Variants in CD40 observed in about 807,000 individuals in gnomAD.
CD40 encodes the protein tumor necrosis factor receptor superfamily member 5.
A neutral mutation model predicts 38.5 loss-of-function variants in CD40; 19 were observed. The ratio of observed to expected loss-of-function variants is 0.49; its 90% CI spans 0.34 to 0.72. The LOEUF is 0.72. Ranked by LOEUF, CD40 falls within the 30% of genes least tolerant of loss-of-function variation. CD40 has a pLI of 0.01. For synonymous variants in CD40, 130 were observed against 128.7 expected, an observed-to-expected ratio of 1.01 and a Z score of -0.07; for missense variants, 256 against 344.1, an observed-to-expected ratio of 0.74 and a Z score of 2.03.
chr20:46,119,590 C>T (rs1392469992), intron 1 of CD40, among the ~76,000 whole-genome samples: 4 of 152,166 alleles, frequency 2.6e-5, no homozygotes, highest in Non-Finnish European at 5.9e-5. Flanking sequence ...ACTTTGGCTC[C>T]AGGTAGAGGC....
At position 46,128,239 on chromosome 20, in the gene CD40, G is replaced by T. The variant is rs2145612819; in HGVS notation, c.646+15G>T. 6.2e-7 allele frequency: 1 copy of T among 1,613,632 alleles called. No individual in the cohort carries two copies. On this transcript the variant is annotated intron_variant, in intron 7 of 8. Transcript: ENST00000372285. ...GGTCTTTATCAGTGAGTCCTCAGGT[G>T]GGGAGGTGTTGGGGGAGGGAGGGGA...
rs1042041403 is a variant in CD40 at position 46,118,931 on chromosome 20, G to A, written c.51+537G>A. Among the ~76,000 whole-genome samples, 11 of 152,340 alleles carry A rather than the reference G, an allele frequency of 7.2e-5. No individual in the cohort carries two copies. The South Asian group carries it at 2.3e-3, about 32-fold the overall frequency. Reference sequence around the variant, plus strand: ...TTAACATCGCCTTCCACCCCGAACCGTATCTTGGGTGTTCCAACCTAGGAG... The same window carrying A: ...TTAACATCGCCTTCCACCCCGAACCATATCTTGGGTGTTCCAACCTAGGAG... On this transcript the variant is annotated intron_variant, in intron 1 of 8. Coordinates refer to ENST00000372285, the MANE Select transcript of CD40 (RefSeq NM_001250.6).
rs1393251924 is a variant in CD40, at chr20:46,129,849, CAT to C, written c.*810_*811del. 6.6e-6 allele frequency: 1 copy of C among 152,136 alleles called. No homozygotes were observed. The allele number at this position is 152,136 out of a possible 1,614,324, so 9.4% of individuals were successfully genotyped here. A position where few individuals can be genotyped will look rare whatever the true frequency, so the allele number is the denominator to read the frequency against. On this transcript the variant is annotated 3_prime_UTR_variant, in exon 9 of 9. Coordinates refer to ENST00000372285, the MANE Select transcript of CD40 (RefSeq NM_001250.6). The stretch of plus-strand genomic sequence containing the variant: ...CTTATGTAATTAAAAAATCATCAAA[CAT>C]GTAAAAAGAAAAACGGGGGTGAACA...
chr20:46,128,836 C>T lies in CD40; in HGVS notation c.676-46C>T, dbSNP rs11697349. The T allele has an allele frequency of 0.024, 39,220 of 1,604,994 alleles. 575 individuals carry two copies. The highest frequency in any genetic ancestry group is 0.027 in the Non-Finnish European group (31,986 of 1,172,120). ...CCCAGGGAGGGGCTCCTCAGAGGCA[C>T]AGCTGCCCCTGCTGCTGGGGGTGAC... is the stretch of plus-strand genomic sequence containing the variant. On this transcript the variant is annotated intron_variant, in intron 8 of 8. Coordinates refer to ENST00000372285, the MANE Select transcript of CD40 (RefSeq NM_001250.6).
rs776893342 is a variant in CD40, at chr20:46,122,351, C to T, written c.249C>T (p.Cys83=). Residue 83 remains cysteine, a synonymous_variant, in exon 3 of 9, where the codon TGC becomes TGT. Transcript: ENST00000372285. The surrounding 1 kb of genome is among the most constrained non-coding windows in gnomAD (Gnocchi z 5.0). Reference sequence around the variant, plus strand: ...CACACTGCCACCAGCACAAATACTGCGACCCCAGTGCGTGCGCTGTTGGGA... The same window carrying T: ...CACACTGCCACCAGCACAAATACTGTGACCCCAGTGCGTGCGCTGTTGGGA... The part of the protein sequence containing the change: ...RETHCHQHKY[C]DPNLGLRVQQ... 3.5e-5 allele frequency: 57 copies of T among 1,614,072 alleles called. No homozygotes were observed. Among genetic ancestry groups the T allele is most frequent in the African/African-American group, 9.3e-5 (7 of 74,922 alleles).
intron 1 of CD40, among the ~76,000 whole-genome samples, chr20:46,121,497 TC>T (rs2085316799): frequency 6.6e-6 from 1 of 151,838 alleles, no homozygotes; most frequent in Non-Finnish European, 1.5e-5. Flanking sequence ...GCTGCTGGAG[TC>T]CCCATATCCT....
chr20:46,126,999 G>C, intron 6 of CD40: 1 of 471,584 alleles, frequency 2.1e-6, no homozygotes, highest in South Asian at 2.1e-5. Flanking sequence ...AAAAAGGTCA[G>C]GGGTAAGAAA....
chr20:46,122,607 C>A lies in CD40; in HGVS notation c.257-3C>A. 1 of 1,614,164 alleles carries A rather than the reference C, an allele frequency of 6.2e-7. No individual in the cohort carries two copies. Among genetic ancestry groups the A allele is most frequent in the Non-Finnish European group, 8.5e-7 (1 of 1,180,040 alleles). ...CCCATCCTTCCTGCCCTTCTCTTCT[C>A]AGACCTAGGGCTTCGGGTCCAGCAG... is the stretch of plus-strand genomic sequence containing the variant. On this transcript the variant is annotated splice_polypyrimidine_tract_variant and splice_region_variant and intron_variant, in intron 3 of 8. Transcript: ENST00000372285. The surrounding 1 kb of genome is among the most constrained non-coding windows in gnomAD (Gnocchi z 5.0).
chr20:46,125,928 A>G (rs2085426026), intron 5 of CD40, among the ~76,000 whole-genome samples: 1 of 152,086 alleles, frequency 6.6e-6, no homozygotes, highest in African/African-American at 2.4e-5. Context: ...CACCTGCCTT[A>G]TTTCCCCACA....
At chr20:46,123,241 G>A in intron 5 of CD40, 22 bp downstream of exon 5, 1 of 1,567,734 alleles carries the variant, frequency 6.4e-7, no homozygotes, top group Non-Finnish European at 8.8e-7. Context: ...CATCCCTTGT[G>A]TTTCCTGCTC....
At chr20:46,128,254 G>A (rs2085476260) in intron 7 of CD40, 30 bp downstream of exon 7, 3 of 1,612,932 alleles carry the variant, frequency 1.9e-6, no homozygotes, top group Admixed American at 1.7e-5. Flanking sequence ...GGTGTTGGGG[G>A]AGGGAGGGGA....
rs2085331532 is a variant in CD40 at position 46,122,168 on chromosome 20, T to C, written c.131-65T>C. 1 of 1,593,452 alleles carries C rather than the reference T, an allele frequency of 6.3e-7. No homozygotes were observed. Among genetic ancestry groups the C allele is most frequent in the Non-Finnish European group, 8.6e-7 (1 of 1,161,516 alleles). On this transcript the variant is annotated intron_variant, in intron 2 of 8. Coordinates refer to ENST00000372285, the MANE Select transcript of CD40 (RefSeq NM_001250.6). This position sits in a 1 kb window ranked among gnomAD's most constrained non-coding sequence, Gnocchi z 5.0. Reference sequence around the variant, plus strand: ...CTACCCTAAAGCCTGGCCTGATCATTGTGTGGTTAGTGTCTGACTCATGGA... The same window carrying C: ...CTACCCTAAAGCCTGGCCTGATCATCGTGTGGTTAGTGTCTGACTCATGGA...
Position 46,122,904 on chromosome 20 carries a change from A to G in CD40, c.403+148A>G. 9.4e-7 allele frequency: 1 copy of G among 1,060,230 alleles called. No individual in the cohort carries two copies. Among genetic ancestry groups the G allele is most frequent in the East Asian group, 2.6e-5 (1 of 38,960 alleles). 65.7% of individuals were successfully genotyped at this position (1,060,230 alleles called of 1,614,324 possible). A position where few individuals can be genotyped will look rare whatever the true frequency, so the allele number is the denominator to read the frequency against. On this transcript the variant is annotated intron_variant, in intron 4 of 8. Coordinates refer to ENST00000372285, the MANE Select transcript of CD40 (RefSeq NM_001250.6). This position sits in a 1 kb window ranked among gnomAD's most constrained non-coding sequence, Gnocchi z 5.0. ...CGGTATCCCCACTGGAGTGAGCTGC[A>G]GACGGGACCTTGTTCATTCTGCCTT... is the stretch of plus-strand genomic sequence containing the variant.
intron 6 of CD40, chr20:46,127,932 C>A: frequency 2.2e-6 from 2 of 928,896 alleles, no homozygotes; most frequent in Non-Finnish European, 3.2e-6. Flanking sequence ...TTAAAAATGT[C>A]GGCAAATATT....
rs539204755 is a variant in CD40, at chr20:46,122,963, G to T, written c.404-163G>T. On this transcript the variant is annotated intron_variant, in intron 4 of 8. Transcript: ENST00000372285. This position sits in a 1 kb window ranked among gnomAD's most constrained non-coding sequence, Gnocchi z 5.0. ...GGGATCTGCCTTTGAAGGGCAATGG[G>T]AGAAGTCCTCCTGGGGACTGCAGCT... 7.2e-5 allele frequency among the ~76,000 whole-genome samples: 11 copies of T among 152,320 alleles called. No individual in the cohort carries two copies. The highest frequency in any genetic ancestry group is 1.2e-4 in the Non-Finnish European group (8 of 68,024).
intron 1 of CD40, among the ~76,000 whole-genome samples, chr20:46,120,918 A>G (rs113556099): frequency 1.7e-4 from 26 of 152,344 alleles, no homozygotes; most frequent in African/African-American, 5.8e-4. Context: ...TACATAAATT[A>G]GCCGGGCATA....
At chr20:46,120,578 C>A (rs924082250) in intron 1 of CD40, among the ~76,000 whole-genome samples, 1 of 152,252 alleles carries the variant, frequency 6.6e-6, no homozygotes, top group Non-Finnish European at 1.5e-5. Context: ...TAATGCCTCT[C>A]AAAGGCTTGC....
chr20:46,122,579 G>C lies in CD40; in HGVS notation c.257-31G>C, dbSNP rs777873139. The C allele has an allele frequency of 1.9e-6, 3 of 1,614,010 alleles. No individual in the cohort carries two copies. The Admixed American group carries it at 5.0e-5, about 27-fold the overall frequency. On this transcript the variant is annotated intron_variant, in intron 3 of 8. Coordinates refer to ENST00000372285, the MANE Select transcript of CD40 (RefSeq NM_001250.6). The surrounding 1 kb of genome is among the most constrained non-coding windows in gnomAD (Gnocchi z 5.0). ...GGCTCAGAGCATGGCCCAGCAGGGG[G>C]TTCCCATCCTTCCTGCCCTTCTCTT...
At chr20:46,127,253 A>C (rs2085456115) in intron 6 of CD40, 1 of 155,618 alleles carries the variant, frequency 6.4e-6, no homozygotes, top group Non-Finnish European at 1.4e-5. Flanking sequence ...CTCGGGCGCA[A>C]TATTTAAGAA....
Sources: allele counts gnomAD v4.1 joint callset (sites outside exome capture counted in the v4.1 genomes callset), GRCh38; gene constraint gnomAD v4.1.1; non-coding constraint Gnocchi (gnomAD v3.1); transcripts MANE v1.5; gene names NCBI Gene and HGNC (gene_info 2026-07-23, HGNC 2026-07-21).